MGA: variants seen among roughly 807,000 people sequenced by gnomAD.
MGA encodes MAX dimerization protein MGA, also known as MAX gene-associated protein.
Under a neutral mutation model 261.1 loss-of-function variants are expected in MGA, and 40 were observed. The ratio of observed to expected loss-of-function variants is 0.15; its 90% CI spans 0.12 to 0.20. The LOEUF (loss-of-function observed/expected upper bound fraction) is 0.20, where lower values mean the gene tolerates loss of function less well. Among genes scored for constraint, MGA ranks in the 10% least tolerant of loss-of-function variants. The pLI is 1.00. For missense variants in MGA, 3,397 were observed against 3,630.5 expected (o/e 0.94, Z 1.65); for synonymous variants, 1,302 against 1,290.6 (o/e 1.01, Z -0.19).
chr15:41,645,666 C>T (rs1374428710), intron 1 of MGA, among the ~76,000 whole-genome samples: 1 of 152,156 alleles, frequency 6.6e-6, no homozygotes, highest in African/African-American at 2.4e-5. Context: ...GATGGAACCT[C>T]CCCAATTGCA....
At chr15:41,662,154 A>G (rs1285634178) in intron 1 of MGA, among the ~76,000 whole-genome samples, 1 of 152,098 alleles carries the variant, frequency 6.6e-6, no homozygotes, top group Non-Finnish European at 1.5e-5. Context: ...GTGTGGGTTA[A>G]GTGGGTTGGG....
At position 41,705,329 on chromosome 15, in the gene MGA, G is replaced by A. The variant is rs115388059; in HGVS notation, c.2189-2399G>A. ...ACCCTATGCTACCTACTGAAAGTCA[G>A]TTGGGAAAACATAACACTAAAGCTT... On this transcript the variant is annotated intron_variant, in intron 5 of 23. Transcript: ENST00000219905. 2.6e-3 allele frequency among the ~76,000 whole-genome samples: 399 copies of A among 151,360 alleles called. 1 individual carries two copies. Among genetic ancestry groups the A allele is most frequent in the African/African-American group, 9.3e-3 (385 of 41,276 alleles).
At chr15:41,705,851 T>G (rs892830036) in intron 5 of MGA, among the ~76,000 whole-genome samples, 5 of 152,252 alleles carry the variant, frequency 3.3e-5, no homozygotes, top group African/African-American at 1.2e-4. Flanking sequence ...TTTTGACTCA[T>G]TATCCTATAT....
At chr15:41,736,846 G>A (rs1595914395) in intron 13 of MGA, 148 bp downstream of exon 13, 3 of 948,526 alleles carry the variant, frequency 3.2e-6, no homozygotes, top group South Asian at 2.1e-5. Flanking sequence ...TTTTGTAATA[G>A]GCCTAGTTTA....
At chr15:41,706,645 A>T (rs1449869324) in intron 5 of MGA, among the ~76,000 whole-genome samples, 13 of 142,184 alleles carry the variant, frequency 9.1e-5, no homozygotes, top group African/African-American at 3.4e-4. Flanking sequence ...CAGTGGCATC[A>T]TCTCGGCTCC....
intron 22 of MGA, 98 bp downstream of exon 22, chr15:41,762,460 G>GATTTTTTT (rs1491528643): frequency 5.3e-6 from 1 of 190,268 alleles, no homozygotes; most frequent in African/African-American, 4.2e-5. Flanking sequence ...AGTTTTGTGT[G>GATTTTTTT]GTTTTTTTTT....
chr15:41,745,304 A>AG (rs2062390216), intron 15 of MGA, among the ~76,000 whole-genome samples: 1 of 149,096 alleles, frequency 6.7e-6, no homozygotes, highest in Non-Finnish European at 1.5e-5. Context: ...AAAAAAAAAA[A>AG]AAAGAGACAG....
intron 17 of MGA, among the ~76,000 whole-genome samples, chr15:41,754,156 A>T (rs950194395): frequency 2.0e-5 from 3 of 152,198 alleles, no homozygotes; most frequent in Non-Finnish European, 1.5e-5. Flanking sequence ...TGAGCTCAAA[A>T]CGATCCACCT....
At chr15:41,651,649 C>CTCTCCCCTCTCT (rs1341173561) in intron 1 of MGA, among the ~76,000 whole-genome samples, 1 of 125,446 alleles carries the variant, frequency 8.0e-6, no homozygotes, top group East Asian at 2.5e-4. Context: ...CTCCCCTCTC[C>CTCTCCCCTCTCT]TCTCCCTTCC....
Position 41,710,877 on chromosome 15 carries a change from T to A in MGA, c.2612T>A (p.Val871Glu). 1 of 1,613,940 alleles carries A rather than the reference T, an allele frequency of 6.2e-7. No individual in the cohort carries two copies. The highest frequency in any genetic ancestry group is 8.5e-7 in the Non-Finnish European group (1 of 1,179,822). The change falls in exon 8 of 24, where the codon GTA (valine) becomes GAA (glutamate). Residue 871 changes from valine (V) to glutamate (E), a missense_variant. Val to Glu is a moderately radical substitution (Grantham distance 121). This residue lies in a region of MGA where 519 missense variants were observed against 554.1 expected (regional missense o/e 0.94). Coordinates refer to ENST00000219905, the MANE Select transcript of MGA (RefSeq NM_001164273.2). ...AGTTATGTACGAACACTTGATAGTGTACTAAAGAAGCAATCTACTATTTCC... is the reference window on the plus strand; with the variant it reads ...AGTTATGTACGAACACTTGATAGTGAACTAAAGAAGCAATCTACTATTTCC...
At chr15:41,653,713 T>TAA (rs755325703) in intron 1 of MGA, among the ~76,000 whole-genome samples, 24 of 125,902 alleles carry the variant, frequency 1.9e-4, no homozygotes, top group Admixed American at 6.6e-4. Flanking sequence ...CCCCATCTCT[T>TAA]AAAAAAAAAA....
intron 1 of MGA, among the ~76,000 whole-genome samples, chr15:41,643,814 C>T (rs1300960512): frequency 1.3e-5 from 2 of 150,398 alleles, no homozygotes; most frequent in Non-Finnish European, 3.0e-5. Flanking sequence ...CGCCTCCGCC[C>T]GCCTCAGCCT....
At chr15:41,684,864 G>A (rs566326737) in intron 2 of MGA, among the ~76,000 whole-genome samples, 1 of 152,186 alleles carries the variant, frequency 6.6e-6, no homozygotes, top group Non-Finnish European at 1.5e-5. Flanking sequence ...TGATTGGCTT[G>A]TGGCTTTTCT....
chr15:41,748,764 A>G lies in MGA; in HGVS notation c.5340A>G (p.Thr1780=), dbSNP rs1595962881. Residue 1780 remains threonine (T), a synonymous_variant, in exon 16 of 24, where the codon ACA becomes ACG. Coordinates refer to ENST00000219905, the MANE Select transcript of MGA (RefSeq NM_001164273.2). The stretch of plus-strand genomic sequence containing the variant: ...CTACTCTTAGACCTGTCTCAAACAC[A>G]CAACTTCAGGGACATCGGATGGTCT... The G allele has an allele frequency of 6.2e-7, 1 of 1,613,922 alleles. No individual in the cohort carries two copies. Among genetic ancestry groups the G allele is most frequent in the South Asian group, 1.1e-5 (1 of 91,074 alleles).
chr15:41,678,780 A>G (rs552295484), intron 2 of MGA, among the ~76,000 whole-genome samples: 9 of 144,078 alleles, frequency 6.2e-5, no homozygotes, highest in East Asian at 2.1e-4. Context: ...AAAAAAAAAA[A>G]CCACAAAATG....
At chr15:41,653,817 G>A (rs752847713) in intron 1 of MGA, among the ~76,000 whole-genome samples, 13 of 151,676 alleles carry the variant, frequency 8.6e-5, no homozygotes, top group Non-Finnish European at 1.9e-4. Flanking sequence ...CTGGAGCTTA[G>A]TTTAAACTAA....
Position 41,669,712 on chromosome 15 carries a change from A to C in MGA, c.818A>C (p.Gln273Pro). The C allele has an allele frequency of 6.2e-7, 1 of 1,613,642 alleles. No homozygotes were observed. Among genetic ancestry groups the C allele is most frequent in the Non-Finnish European group, 8.5e-7 (1 of 1,179,664 alleles). ...AATAAGCCCCAGAGAGATGGAAAAC[A>C]AAAGAACAGCTCTGACCAAGAAGGG... Residue 273 changes from glutamine to proline, a missense_variant, in exon 2 of 24, where the codon CAA (glutamine) becomes CCA (proline). Gln to Pro is a moderately conservative substitution (Grantham distance 76). Coordinates refer to ENST00000219905, the MANE Select transcript of MGA (RefSeq NM_001164273.2).
At chr15:41,699,453 C>G (rs931514081) in intron 5 of MGA, among the ~76,000 whole-genome samples, 12 of 152,118 alleles carry the variant, frequency 7.9e-5, no homozygotes, top group African/African-American at 2.9e-4. Flanking sequence ...CTGGTATTCT[C>G]CCCTTCCCGT....
chr15:41,752,158 G>C (rs917434382), intron 17 of MGA: 1 of 152,138 alleles, frequency 6.6e-6, no homozygotes, highest in Non-Finnish European at 1.5e-5. Flanking sequence ...TCAGCCTCCT[G>C]AGTAGCTGAG....
Sources: allele counts gnomAD v4.1 joint callset (sites outside exome capture counted in the v4.1 genomes callset), GRCh38; gene constraint gnomAD v4.1.1; regional missense constraint gnomAD v4.1.1; transcripts MANE v1.5; gene names NCBI Gene and HGNC (gene_info 2026-07-23, HGNC 2026-07-21).